FBXO46: variants seen among roughly 807,000 people sequenced by gnomAD.
The protein encoded by FBXO46 is F-box protein 46, also known as F-box only protein 46.
A neutral mutation model predicts 30.7 loss-of-function variants in FBXO46; 13 were observed. The ratio of observed to expected loss-of-function variants is 0.42; its 90% confidence interval spans 0.28 to 0.67. The LOEUF is 0.67. Among genes scored for constraint, FBXO46 ranks in the 30% least tolerant of loss-of-function variants. FBXO46 has a pLI of 0.21. For synonymous variants in FBXO46, 467 were observed against 385.8 expected (o/e 1.21, Z -2.47); for missense variants, 754 against 871.5 (o/e 0.87, Z 1.70).
intron 1 of FBXO46, among the ~76,000 whole-genome samples, chr19:45,722,817 T>C (rs1299776962): frequency 2.0e-5 from 3 of 150,388 alleles, no homozygotes; most frequent in Non-Finnish European, 4.4e-5. Flanking sequence ...TCCCAGCACC[T>C]TGGGAGGCTG....
At chr19:45,723,527 G>A (rs1165313603) in intron 1 of FBXO46, 1 of 152,186 alleles carries the variant, frequency 6.6e-6, no homozygotes, top group Non-Finnish European at 1.5e-5. Flanking sequence ...TGGGCACTCT[G>A]GCTTTTTCAT....
chr19:45,725,876 TTTTG>T (rs990826937), intron 1 of FBXO46, among the ~76,000 whole-genome samples: 1 of 152,286 alleles, frequency 6.6e-6, no homozygotes, highest in East Asian at 1.9e-4. Flanking sequence ...GCTTTGATTT[TTTTG>T]TTTGTTTGTT....
At chr19:45,730,128 G>A (rs551180196) in intron 1 of FBXO46, among the ~76,000 whole-genome samples, 2 of 152,024 alleles carry the variant, frequency 1.3e-5, no homozygotes, top group Non-Finnish European at 2.9e-5. Context: ...GGAAGAATAG[G>A]GGATATGAAT....
chr19:45,732,532 CAAAAA>C (rs36071960), upstream of FBXO46, among the ~76,000 whole-genome samples: 1 of 65,750 alleles, frequency 1.5e-5, no homozygotes, highest in African/African-American at 6.5e-5. Context: ...TCGTCTCTAC[CAAAAA>C]AAAAAAAAAA....
chr19:45,711,797 G>C lies in FBXO46; in HGVS notation c.1699C>G (p.Arg567Gly), dbSNP rs1283903273. ...PYGRSYWMCC[R>G]RADRETPGCR... ...CCGGGAGTCTCGCGGTCGGCTCGAC[G>C]GCAGCACATCCAGTAGGAACGTCCG... Residue 567 changes from arginine (R) to glycine (G), a missense_variant, in exon 2 of 2, where the codon CGT becomes GGT. Physicochemically the swap from Arg to Gly is moderately radical, Grantham distance 125. Around this residue, in one of 5 missense-constraint regions of FBXO46, gnomAD observed 162 missense variants for 258.7 expected, o/e 0.63. Transcript: ENST00000317683. 6.2e-7 allele frequency: 1 copy of C among 1,610,744 alleles called. No homozygotes were observed. Among genetic ancestry groups the C allele is most frequent in the Non-Finnish European group, 8.5e-7 (1 of 1,179,110 alleles).
intron 1 of FBXO46, among the ~76,000 whole-genome samples, chr19:45,723,920 C>G (rs1045743534): frequency 2.0e-5 from 3 of 151,946 alleles, no homozygotes; most frequent in Admixed American, 1.3e-4. Flanking sequence ...AAAAAGAAAA[C>G]TTGTGCTTTT....
At chr19:45,718,275 G>A (rs77337928) in intron 1 of FBXO46, among the ~76,000 whole-genome samples, 1 of 152,332 alleles carries the variant, frequency 6.6e-6, no homozygotes, top group East Asian at 1.9e-4. Context: ...CGCAGGGCAG[G>A]TCTCCTGACC....
At chr19:45,720,909 G>A (rs187002965) in intron 1 of FBXO46, among the ~76,000 whole-genome samples, 18 of 151,722 alleles carry the variant, frequency 1.2e-4, no homozygotes, top group South Asian at 4.2e-4. Context: ...CAGGAGAATC[G>A]GAGAATTGCT....
At chr19:45,722,856 C>T (rs1968192204) in intron 1 of FBXO46, among the ~76,000 whole-genome samples, 1 of 151,784 alleles carries the variant, frequency 6.6e-6, no homozygotes, top group East Asian at 1.9e-4. Context: ...AGGATGAGAC[C>T]AGCCTGGCCA....
At chr19:45,719,440 G>C (rs748900977) in intron 1 of FBXO46, among the ~76,000 whole-genome samples, 1 of 151,162 alleles carries the variant, frequency 6.6e-6, no homozygotes, top group Non-Finnish European at 1.5e-5. Flanking sequence ...CTTCCAAATA[G>C]ATAAAGCAAA....
upstream of FBXO46, among the ~76,000 whole-genome samples, chr19:45,733,051 G>A (rs1386568235): frequency 2.0e-5 from 3 of 152,030 alleles, no homozygotes; most frequent in Non-Finnish European, 4.4e-5. The surrounding 1 kb of genome is among the most constrained non-coding windows in gnomAD (Gnocchi z 5.7). Context: ...CATGAATCAC[G>A]AACTGAAGGG....
intron 1 of FBXO46, chr19:45,715,063 T>G (rs1968070313): frequency 6.6e-6 from 1 of 152,246 alleles, no homozygotes; most frequent in Admixed American, 6.5e-5. Context: ...TTCTGGACTC[T>G]TCAATTTAGG....
chr19:45,726,560 A>T (rs540060372), intron 1 of FBXO46, among the ~76,000 whole-genome samples: 22 of 152,092 alleles, frequency 1.4e-4, no homozygotes, highest in African/African-American at 5.1e-4. Context: ...AGGCAGGAGA[A>T]TTGCTTGAAC....
chr19:45,717,655 C>A (rs976703133), intron 1 of FBXO46, among the ~76,000 whole-genome samples: 1 of 152,158 alleles, frequency 6.6e-6, no homozygotes, highest in Admixed American at 6.5e-5. Context: ...CACCACGTCC[C>A]CTCGAACAGA....
At chr19:45,718,670 G>A (rs1310086237) in intron 1 of FBXO46, among the ~76,000 whole-genome samples, 3 of 151,794 alleles carry the variant, frequency 2.0e-5, no homozygotes, top group Admixed American at 6.6e-5. Context: ...TCACCCACCT[G>A]CCCAGAGGGG....
At chr19:45,721,924 T>C (rs1334496337) in intron 1 of FBXO46, among the ~76,000 whole-genome samples, 1 of 150,722 alleles carries the variant, frequency 6.6e-6, no homozygotes, top group Non-Finnish European at 1.5e-5. Flanking sequence ...CACTGTAACC[T>C]CCACCTCCCC....
At chr19:45,731,147 G>C (rs1404553718), upstream of FBXO46, among the ~76,000 whole-genome samples, 2 of 152,200 alleles carry the variant, frequency 1.3e-5, no homozygotes, top group Non-Finnish European at 2.9e-5. Flanking sequence ...AGCCAGGAGG[G>C]CTCCATTTTT....
At chr19:45,731,647 A>G (rs1398785798), upstream of FBXO46, among the ~76,000 whole-genome samples, 2 of 151,738 alleles carry the variant, frequency 1.3e-5, no homozygotes, top group African/African-American at 2.4e-5. Flanking sequence ...TGATTTACAA[A>G]TGAGAAAATT....
chr19:45,712,626 G>C lies in FBXO46; in HGVS notation c.870C>G (p.Tyr290Ter). 6.2e-7 allele frequency: 1 copy of C among 1,601,156 alleles called. No individual in the cohort carries two copies. Among genetic ancestry groups the C allele is most frequent in the Non-Finnish European group, 8.5e-7 (1 of 1,173,578 alleles). Residue 290 changes from tyrosine to a stop codon, truncating the protein, a stop_gained, in exon 2 of 2, where the codon TAC becomes TAG. Transcript: ENST00000317683. LOFTEE classifies it high-confidence loss of function. This position sits in a 1 kb window ranked among gnomAD's most constrained non-coding sequence, Gnocchi z 8.8. ...GGGCCCCAGGACCTGGGCTGCCAGG[G>C]TAGGCACAACCAGGCCTGCCCCCGC... ...SGGGGRPGCA[Y>*]PGSPGPGARA...
Sources: allele counts gnomAD v4.1 joint callset (sites outside exome capture counted in the v4.1 genomes callset), GRCh38; gene constraint gnomAD v4.1.1; regional missense constraint gnomAD v4.1.1; non-coding constraint Gnocchi (gnomAD v3.1); transcripts MANE v1.5; gene names NCBI Gene and HGNC (gene_info 2026-07-23, HGNC 2026-07-21).